The following ABLIM1 variants were observed in gnomAD, a reference collection of about 807,000 sequenced individuals.
ABLIM1 encodes actin-binding LIM protein 1.
In ABLIM1, 40 loss-of-function variants were observed where a neutral mutation model predicts 107.0. The observed-to-expected ratio is 0.37, with a 90% CI of 0.29 to 0.49. The LOEUF is 0.49. Ranked by LOEUF, ABLIM1 falls within the 20% of genes least tolerant of loss-of-function variation. ABLIM1 has a pLI of 0.97. For synonymous variants in ABLIM1, 357 were observed against 357.3 expected, an observed-to-expected ratio of 1.00 and a Z score of 0.01; for missense variants, 857 against 1,008.5, an observed-to-expected ratio of 0.85 and a Z score of 2.04.
chr10:114,445,129 T>G (rs1161229699), intron 16 of ABLIM1, among the ~76,000 whole-genome samples, 183 bp downstream of exon 16: 1 of 152,214 alleles, frequency 6.6e-6, no homozygotes, highest in African/African-American at 2.4e-5. Flanking sequence ...CAGCAGGTAT[T>G]CTGCCATATT....
upstream of ABLIM1, among the ~76,000 whole-genome samples, chr10:114,685,722 A>G (rs57467177): frequency 2.2e-3 from 330 of 152,372 alleles, no homozygotes; most frequent in African/African-American, 7.7e-3. Context: ...CTGCTGCCAA[A>G]GGCCAGTCGC....
chr10:114,772,631 G>A (rs1425692326), upstream of ABLIM1, among the ~76,000 whole-genome samples: 1 of 152,004 alleles, frequency 6.6e-6, no homozygotes, highest in Non-Finnish European at 1.5e-5. Context: ...ACCTTCATCA[G>A]TGTAGACCCC....
At chr10:114,480,310 TA>T (rs201682168) in intron 8 of ABLIM1, among the ~76,000 whole-genome samples, 59 of 151,946 alleles carry the variant, frequency 3.9e-4, no homozygotes, top group African/African-American at 1.3e-3. Context: ...AGAGTTACAG[TA>T]AAAAAAAATT....
At chr10:114,466,079 C>A (rs932554760) in intron 11 of ABLIM1, among the ~76,000 whole-genome samples, 2 of 152,146 alleles carry the variant, frequency 1.3e-5, no homozygotes, top group Admixed American at 6.5e-5. Flanking sequence ...GTGGCTCACA[C>A]CTGTGATCTC....
At chr10:114,464,747 G>A (rs896890757) in intron 12 of ABLIM1, among the ~76,000 whole-genome samples, 2 of 152,150 alleles carry the variant, frequency 1.3e-5, no homozygotes, top group Admixed American at 1.3e-4. Flanking sequence ...TTATCATCCT[G>A]TTAATTCTTT....
chr10:114,527,454 G>C (rs532932212), intron 6 of ABLIM1, among the ~76,000 whole-genome samples: 87 of 152,138 alleles, frequency 5.7e-4, no homozygotes, highest in Non-Finnish European at 9.7e-4. Flanking sequence ...TACTGGCTAT[G>C]TTGCAGGCAT....
At chr10:114,446,051 C>T (rs752617704) in intron 15 of ABLIM1, among the ~76,000 whole-genome samples, 3 of 152,202 alleles carry the variant, frequency 2.0e-5, no homozygotes, top group Non-Finnish European at 2.9e-5. Context: ...GGATTACAGG[C>T]GTGAGCCACC....
intron 1 of ABLIM1, among the ~76,000 whole-genome samples, chr10:114,690,939 C>T (rs552684312): frequency 4.4e-4 from 67 of 152,360 alleles, no homozygotes; most frequent in Admixed American, 9.1e-4. Context: ...GCCTTGGTCT[C>T]TCAAAGTACT....
Position 114,576,039 on chromosome 10 carries a change from G to A in ABLIM1, c.380-440C>T, listed in dbSNP as rs142328626. On this transcript the variant is annotated intron_variant, in intron 2 of 22. Coordinates refer to ENST00000533213, the MANE Select transcript of ABLIM1 (RefSeq NM_002313.7). ...ACCAAAGGCAGTAGCTGAAATTTCC[G>A]ATAGCTGTATTTTTTCACACTCTGG... Among the ~76,000 whole-genome samples, 63 of 152,278 alleles carry A rather than the reference G, an allele frequency of 4.1e-4. 1 individual carries two copies. In the East Asian group the frequency reaches 0.012, roughly 28 times the overall value.
At chr10:114,484,006 G>A (rs374052345) in intron 8 of ABLIM1, among the ~76,000 whole-genome samples, 3 of 152,118 alleles carry the variant, frequency 2.0e-5, no homozygotes, top group East Asian at 1.9e-4. Flanking sequence ...AGGATGCCCC[G>A]GGCAGGTGGT....
intron 13 of ABLIM1, among the ~76,000 whole-genome samples, chr10:114,451,906 G>A (rs567441179): frequency 6.6e-6 from 1 of 152,282 alleles, no homozygotes; most frequent in East Asian, 1.9e-4. Flanking sequence ...ATAAAGATGT[G>A]ATTAACTCAT....
intron 11 of ABLIM1, among the ~76,000 whole-genome samples, chr10:114,466,518 C>T (rs964965547): frequency 6.6e-6 from 1 of 152,048 alleles, no homozygotes. Context: ...AACATGGTTC[C>T]AAGCTGGTAA....
intron 22 of ABLIM1, among the ~76,000 whole-genome samples, chr10:114,437,321 C>CTT (rs1314987276): frequency 5.2e-4 from 70 of 134,586 alleles, no homozygotes; most frequent in Admixed American, 2.3e-3. Flanking sequence ...TTCTTTCTTT[C>CTT]TTTTTTTTTT....
intron 6 of ABLIM1, among the ~76,000 whole-genome samples, chr10:114,525,460 T>G (rs183862535): frequency 1.3e-5 from 2 of 152,296 alleles, no homozygotes; most frequent in African/African-American, 4.8e-5. Context: ...TCGAAAACAT[T>G]GGTCAAAACA....
In ABLIM1 at chr10:114,625,136, C is replaced by A. The variant is rs143902665; in HGVS notation, c.245-23175G>T. Among the ~76,000 whole-genome samples, 14 of 152,216 alleles carry A rather than the reference C, an allele frequency of 9.2e-5. No individual in the cohort carries two copies. In the Middle Eastern group the frequency reaches 0.01, roughly 111 times the overall value. Reference sequence around the variant, plus strand: ...TGGTGTCCCCTTTAAAAGACTGGGGCTTTTGAAGTTAAGACAAATCCAAGG... The same window carrying A: ...TGGTGTCCCCTTTAAAAGACTGGGGATTTTGAAGTTAAGACAAATCCAAGG... On this transcript the variant is annotated intron_variant, in intron 1 of 22. Coordinates refer to ENST00000533213, the MANE Select transcript of ABLIM1 (RefSeq NM_002313.7).
chr10:114,670,640 G>A (rs1281039488), intron 1 of ABLIM1, among the ~76,000 whole-genome samples: 1 of 152,138 alleles, frequency 6.6e-6, no homozygotes, highest in Non-Finnish European at 1.5e-5. Context: ...CTACAGGCAT[G>A]TGCCACCACG....
chr10:114,652,308 C>A (rs908547894), intron 1 of ABLIM1, among the ~76,000 whole-genome samples: 1 of 151,966 alleles, frequency 6.6e-6, no homozygotes, highest in African/African-American at 2.4e-5. Context: ...TCTGGGGTTG[C>A]GGATTAGTGA....
intron 1 of ABLIM1, among the ~76,000 whole-genome samples, chr10:114,693,624 G>C (rs904493860): frequency 6.6e-6 from 1 of 151,756 alleles, no homozygotes; most frequent in Non-Finnish European, 1.5e-5. Context: ...AATTTTAAGC[G>C]TTTTTTCTTT....
the ABLIM1 span, among the ~76,000 whole-genome samples, chr10:114,774,767 A>G: frequency 2.6e-5 from 4 of 152,274 alleles, no homozygotes; most frequent in South Asian, 2.1e-4. Flanking sequence ...AGCAGAGCAG[A>G]GATGTTAAAT....
Sources: allele counts gnomAD v4.1 joint callset (sites outside exome capture counted in the v4.1 genomes callset), GRCh38; gene constraint gnomAD v4.1.1; transcripts MANE v1.5; gene names NCBI Gene and HGNC (gene_info 2026-07-23, HGNC 2026-07-21).